Variants in DCLK2 observed in about 807,000 individuals in gnomAD.
DCLK2 encodes serine/threonine-protein kinase DCLK2.
DCLK2 carries 31 observed loss-of-function variants against 78.4 expected under a neutral mutation model. That is an observed-to-expected ratio of 0.40 (90% CI 0.30 to 0.53). The LOEUF (loss-of-function observed/expected upper bound fraction) is 0.53, where lower values mean the gene tolerates loss of function less well. Among genes scored for constraint, DCLK2 ranks in the 20% least tolerant of loss-of-function variants. The probability of loss-of-function intolerance (pLI) is 0.61; values close to 1 mark genes in which losing one functional copy is unlikely to be tolerated. For missense variants in DCLK2, 872 were observed against 973.7 expected, an observed-to-expected ratio of 0.90 and a Z score of 1.39; for synonymous variants, 407 against 374.9, an observed-to-expected ratio of 1.09 and a Z score of -0.99.
chr4:150,199,136 C>A, intron 4 of DCLK2: 1 of 1,465,412 alleles, frequency 6.8e-7, no homozygotes, highest in Non-Finnish European at 9.3e-7. Flanking sequence ...TTGTTTTTTG[C>A]CACTTTTCTG....
intron 8 of DCLK2, among the ~76,000 whole-genome samples, chr4:150,230,211 C>T (rs1033667275): frequency 2.0e-5 from 3 of 152,212 alleles, no homozygotes; most frequent in Non-Finnish European, 4.4e-5. Flanking sequence ...AAAGGTAACA[C>T]TGCTGATGGC....
chr4:150,161,305 T>C (rs1735692487), intron 2 of DCLK2, among the ~76,000 whole-genome samples: 1 of 152,158 alleles, frequency 6.6e-6, no homozygotes, highest in Non-Finnish European at 1.5e-5. Flanking sequence ...CTAACCTCTA[T>C]AAATTAGAAA....
intron 2 of DCLK2, among the ~76,000 whole-genome samples, chr4:150,161,008 A>G (rs1735666478): frequency 6.6e-6 from 1 of 152,240 alleles, no homozygotes. Context: ...CAAATATACA[A>G]AAACTCAAAG....
chr4:150,175,011 A>AATATATATATATATATATATAT (rs1327523541), intron 2 of DCLK2, among the ~76,000 whole-genome samples: 1 of 9,974 alleles, frequency 1.0e-4, no homozygotes, highest in African/African-American at 2.6e-4. Context: ...AAAAAAAAAA[A>AATATATATATATATATATATAT]ATATATATAT....
chr4:150,200,021 TA>T (rs1255032749), intron 4 of DCLK2, among the ~76,000 whole-genome samples: 1 of 152,134 alleles, frequency 6.6e-6, no homozygotes, highest in Non-Finnish European at 1.5e-5. Flanking sequence ...CTGTCTCTTT[TA>T]AAAAAATTTT....
intron 2 of DCLK2, among the ~76,000 whole-genome samples, chr4:150,110,635 C>T (rs1343977740): frequency 6.6e-6 from 1 of 152,048 alleles, no homozygotes; most frequent in Non-Finnish European, 1.5e-5. Context: ...CTACCCCCTT[C>T]CACCCTCCCC....
intron 2 of DCLK2, among the ~76,000 whole-genome samples, chr4:150,157,418 C>G (rs1282859618): frequency 1.3e-5 from 2 of 151,970 alleles, no homozygotes; most frequent in Admixed American, 6.6e-5. Flanking sequence ...ACCCTCTTCT[C>G]TGAGTATCTG....
intron 1 of DCLK2, among the ~76,000 whole-genome samples, chr4:150,093,192 A>G (rs1730215240): frequency 6.6e-6 from 1 of 152,224 alleles, no homozygotes; most frequent in African/African-American, 2.4e-5. Context: ...ACAAAATTAA[A>G]TACTCAGGAA....
intron 7 of DCLK2, among the ~76,000 whole-genome samples, chr4:150,222,409 C>A (rs1474550005): frequency 6.6e-6 from 1 of 152,156 alleles, no homozygotes; most frequent in African/African-American, 2.4e-5. Context: ...AGAACATCTC[C>A]TATATTTACC....
chr4:150,220,827 G>A (rs574421416), intron 6 of DCLK2, 49 bp downstream of exon 6: 2 of 1,427,850 alleles, frequency 1.4e-6, no homozygotes, highest in Non-Finnish European at 2.0e-6. Context: ...CATGCATGGG[G>A]ACTTGGTGCT....
intron 2 of DCLK2, among the ~76,000 whole-genome samples, chr4:150,145,334 G>A (rs760358786): frequency 1.3e-5 from 2 of 152,162 alleles, no homozygotes; most frequent in East Asian, 3.8e-4. Flanking sequence ...CTATGGAGTT[G>A]CAGTGTTGGG....
At chr4:150,083,874 T>C (rs1729468969) in intron 1 of DCLK2, among the ~76,000 whole-genome samples, 1 of 152,206 alleles carries the variant, frequency 6.6e-6, no homozygotes, top group Non-Finnish European at 1.5e-5. Context: ...TGGTCTCAAA[T>C]GGTTAGTTGA....
At chr4:150,080,400 G>C (rs1343339084) in intron 1 of DCLK2, among the ~76,000 whole-genome samples, 2 of 152,164 alleles carry the variant, frequency 1.3e-5, no homozygotes, top group Non-Finnish European at 2.9e-5. Context: ...TTTTCAGGTA[G>C]AAAAGGCATT....
intron 5 of DCLK2, among the ~76,000 whole-genome samples, chr4:150,216,655 A>G (rs943823977): frequency 4.6e-5 from 7 of 152,080 alleles, no homozygotes; most frequent in African/African-American, 1.7e-4. Flanking sequence ...AAAAGTTATT[A>G]GCAGAAGAGG....
At chr4:150,144,554 C>T (rs1278803958) in intron 2 of DCLK2, among the ~76,000 whole-genome samples, 3 of 152,052 alleles carry the variant, frequency 2.0e-5, no homozygotes, top group African/African-American at 7.2e-5. Context: ...ATTGCTTTGA[C>T]TGATTGGGGG....
chr4:150,239,690 C>T, intron 10 of DCLK2, 52 bp from the exon 11 acceptor site: 3 of 1,603,454 alleles, frequency 1.9e-6, no homozygotes, highest in South Asian at 1.1e-5. Flanking sequence ...AGCCCTCTCA[C>T]AATTGTTGAG....
intron 2 of DCLK2, among the ~76,000 whole-genome samples, chr4:150,174,997 CAA>C (rs200730503): frequency 7.3e-3 from 25 of 3,426 alleles, no homozygotes; most frequent in Non-Finnish European, 0.015. Flanking sequence ...GACTCCGTCG[CAA>C]AAAAAAAAAA....
chr4:150,084,545 G>A lies in DCLK2; in HGVS notation c.421+5097G>A, dbSNP rs11946365. On this transcript the variant is annotated intron_variant, in intron 1 of 15. Coordinates refer to ENST00000296550, the MANE Select transcript of DCLK2 (RefSeq NM_001040260.4). ...ACAGCTGCATAAGAAGCTCTTTCCCGAGGTAAGAGGAAAATTTTCATTTAA... is the reference window on the plus strand; with the variant it reads ...ACAGCTGCATAAGAAGCTCTTTCCCAAGGTAAGAGGAAAATTTTCATTTAA... Among the ~76,000 whole-genome samples the A allele has an allele frequency of 6.7e-3, 1,027 of 152,206 alleles. 11 individuals carry two copies. The highest frequency in any genetic ancestry group is 0.023 in the African/African-American group (972 of 41,506).
At chr4:150,139,165 C>T (rs1033476191) in intron 2 of DCLK2, among the ~76,000 whole-genome samples, 2 of 152,228 alleles carry the variant, frequency 1.3e-5, no homozygotes, top group South Asian at 2.1e-4. Flanking sequence ...CCATGCCTGG[C>T]CAGGTCTTAG....
Sources: allele counts gnomAD v4.1 joint callset (sites outside exome capture counted in the v4.1 genomes callset), GRCh38; gene constraint gnomAD v4.1.1; transcripts MANE v1.5; gene names NCBI Gene and HGNC (gene_info 2026-07-23, HGNC 2026-07-21).